SAMMSON: variants seen among roughly 807,000 people sequenced by gnomAD.
SAMMSON encodes long intergenic non-protein coding RNA 1212.
At chr3:70,231,127 G>C (rs894458740) in intron 4 of SAMMSON, among the ~76,000 whole-genome samples, 1 of 152,154 alleles carries the variant, frequency 6.6e-6, no homozygotes, top group East Asian at 1.9e-4. Context: ...ACACACAAGG[G>C]CATTTTCGTA....
At chr3:70,104,590 T>C (rs777743317) in intron 4 of SAMMSON, among the ~76,000 whole-genome samples, 1 of 152,126 alleles carries the variant, frequency 6.6e-6, no homozygotes, top group African/African-American at 2.4e-5. Context: ...TGGGTCAAGG[T>C]GTACCCCAAA....
chr3:70,276,554 A>G (rs1295819975), intron 6 of SAMMSON, among the ~76,000 whole-genome samples: 8 of 152,194 alleles, frequency 5.3e-5, no homozygotes, highest in Non-Finnish European at 8.8e-5. Flanking sequence ...TTTATCACAT[A>G]TGCAATCTGT....
rs1559778439 is a variant in SAMMSON, at chr3:70,039,005, T to C, written n.417+25333T>C. Among the ~76,000 whole-genome samples the C allele has an allele frequency of 2.0e-5, 3 of 152,234 alleles. No individual in the cohort carries two copies. The South Asian group carries it at 6.2e-4, about 32-fold the overall frequency. On this transcript the variant is annotated intron_variant and non_coding_transcript_variant, in intron 3 of 9. Coordinates refer to ENST00000642114, the Ensembl canonical transcript of SAMMSON. ...AGAGCCTGAGACAGGGATGTGGTTA[T>C]GTTATATGTGATTTTTGAGCAACAG...
chr3:70,331,919 T>C (rs1207043148), intron 7 of SAMMSON, among the ~76,000 whole-genome samples: 1 of 152,178 alleles, frequency 6.6e-6, no homozygotes, highest in East Asian at 1.9e-4. Context: ...CCTCATGAGA[T>C]TTGGTACAGT....
At chr3:70,177,905 C>T (rs752456431) in intron 4 of SAMMSON, among the ~76,000 whole-genome samples, 3 of 152,182 alleles carry the variant, frequency 2.0e-5, no homozygotes, top group Non-Finnish European at 4.4e-5. Context: ...ATTGTTTGAA[C>T]ATATGGACAA....
chr3:70,277,643 T>C (rs978906714), intron 6 of SAMMSON, among the ~76,000 whole-genome samples: 1 of 152,202 alleles, frequency 6.6e-6, no homozygotes, highest in African/African-American at 2.4e-5. Flanking sequence ...GTTTATTTCT[T>C]CTAATGAAAG....
At chr3:70,033,963 G>A (rs2067075150) in intron 3 of SAMMSON, among the ~76,000 whole-genome samples, 1 of 152,076 alleles carries the variant, frequency 6.6e-6, no homozygotes, top group African/African-American at 2.4e-5. Context: ...TATGTCCTCT[G>A]GAAGACTCCT....
At chr3:70,007,357 G>T (rs1358300505) in intron 1 of SAMMSON, among the ~76,000 whole-genome samples, 3 of 152,144 alleles carry the variant, frequency 2.0e-5, no homozygotes, top group Non-Finnish European at 4.4e-5. Flanking sequence ...GTGTGAGATG[G>T]AATCTCACTG....
At chr3:70,384,042 G>A (rs558961380) in intron 9 of SAMMSON, among the ~76,000 whole-genome samples, 113 of 151,978 alleles carry the variant, frequency 7.4e-4, no homozygotes, top group African/African-American at 2.6e-3. Context: ...GGTTAAGGAT[G>A]CAATCTTTGA....
At chr3:70,246,634 G>T (rs1305314535) in intron 4 of SAMMSON, among the ~76,000 whole-genome samples, 1 of 152,070 alleles carries the variant, frequency 6.6e-6, no homozygotes, top group East Asian at 1.9e-4. Flanking sequence ...CGTATTTAAG[G>T]GGTTGTTGAC....
intron 4 of SAMMSON, among the ~76,000 whole-genome samples, chr3:70,209,099 T>G (rs545282458): frequency 6.6e-6 from 1 of 152,218 alleles, no homozygotes; most frequent in African/African-American, 2.4e-5. Flanking sequence ...TTTATTTTTC[T>G]TACTTGGGTA....
At chr3:70,135,302 A>T (rs2067501162) in intron 4 of SAMMSON, among the ~76,000 whole-genome samples, 1 of 152,188 alleles carries the variant, frequency 6.6e-6, no homozygotes. Flanking sequence ...GAAAGAAACA[A>T]AATATGTACC....
chr3:70,398,723 A>G (rs1163382311), intron 2 of SAMMSON, among the ~76,000 whole-genome samples: 1 of 152,184 alleles, frequency 6.6e-6, no homozygotes, highest in Non-Finnish European at 1.5e-5. Context: ...TCACTTCATC[A>G]ACCAGATAGG....
At chr3:70,244,095 T>A (rs928759078) in intron 4 of SAMMSON, among the ~76,000 whole-genome samples, 1 of 152,204 alleles carries the variant, frequency 6.6e-6, no homozygotes, top group Admixed American at 6.5e-5. Context: ...ACCTCCCTGC[T>A]CTTCGGTTTC....
At chr3:70,181,683 C>A (rs551730700) in intron 4 of SAMMSON, among the ~76,000 whole-genome samples, 1 of 152,328 alleles carries the variant, frequency 6.6e-6, no homozygotes, top group African/African-American at 2.4e-5. Context: ...TTGAATTCTT[C>A]TTTTGAAAAC....
chr3:70,195,591 C>G (rs1032613827), intron 4 of SAMMSON, among the ~76,000 whole-genome samples: 2 of 152,120 alleles, frequency 1.3e-5, no homozygotes, highest in Non-Finnish European at 2.9e-5. Context: ...TATTTTGGAG[C>G]TTTCTTTTGT....
chr3:70,184,204 A>G (rs150286687), intron 4 of SAMMSON: 1 of 152,324 alleles, frequency 6.6e-6, no homozygotes, highest in African/African-American at 2.4e-5. Flanking sequence ...TGTTTCAAAT[A>G]TATTTGTCCA....
chr3:70,097,483 C>A (rs2067326931), intron 4 of SAMMSON, among the ~76,000 whole-genome samples: 1 of 152,202 alleles, frequency 6.6e-6, no homozygotes, highest in Non-Finnish European at 1.5e-5. Flanking sequence ...CTATATATTT[C>A]CATTAAATTT....
intron 9 of SAMMSON, among the ~76,000 whole-genome samples, chr3:70,377,647 G>C (rs971283103): frequency 4.6e-5 from 7 of 152,026 alleles, no homozygotes; most frequent in Middle Eastern, 3.2e-3. Context: ...AATTCATAAA[G>C]ATATTATTTT....
Sources: allele counts gnomAD v4.1 joint callset (sites outside exome capture counted in the v4.1 genomes callset), GRCh38; gene constraint gnomAD v4.1.1; transcripts MANE v1.5; gene names NCBI Gene and HGNC (gene_info 2026-07-23, HGNC 2026-07-21).